BTNL2: variants seen among roughly 807,000 people sequenced by gnomAD.
BTNL2 encodes the protein butyrophilin like 2, also known as butyrophilin-like protein 2.
Under a neutral mutation model 46.8 loss-of-function variants are expected in BTNL2, and 46 were observed. The ratio of observed to expected loss-of-function variants is 0.98; its 90% CI spans 0.78 to 1.26. The LOEUF (loss-of-function observed/expected upper bound fraction) is 1.26, where lower values mean the gene tolerates loss of function less well. Among genes scored for constraint, BTNL2 ranks in the 50% most tolerant of loss-of-function variants. The probability of loss-of-function intolerance (pLI) is 0.00; values close to 1 mark genes in which losing one functional copy is unlikely to be tolerated. For missense variants in BTNL2, 461 were observed against 592.6 expected, an observed-to-expected ratio of 0.78 and a Z score of 2.31; for synonymous variants, 226 against 229.1, an observed-to-expected ratio of 0.99 and a Z score of 0.12.
chr6:32,396,099 G>A lies in BTNL2; in HGVS notation c.1018C>T (p.Arg340Cys), dbSNP rs1342397593. 71 of 1,613,062 alleles carry A rather than the reference G, an allele frequency of 4.4e-5. No homozygotes were observed. The highest frequency in any genetic ancestry group is 1.3e-4 in the Admixed American group (8 of 60,028). Residue 340 changes from arginine (R) to cysteine (C), a missense_variant, in exon 5 of 8, where the codon CGC becomes TGC. Transcript: ENST00000454136. This position sits in a 1 kb window ranked among gnomAD's most constrained non-coding sequence, Gnocchi z 4.4. ...SARPSDDGQY[R>C]CLFEKDDVYQ... is the part of the protein sequence containing the mutation. ...ACATCATCTTTTTCAAAAAGGCAGC[G>A]GTACTGCCCGTCGTCCGAAGGTCTG...
Position 32,403,171 on chromosome 6 carries a change from C to T in BTNL2, c.473G>A (p.Ser158Asn), listed in dbSNP as rs1349330260. Reference protein sequence around the residue: ...PSIHMEGPGESGVQLVCTARG... With the variant: ...PSIHMEGPGENGVQLVCTARG... ...TGCAGTGCACACAAGCTGGACTCCA[C>T]TCTCCCCAGGTCCCTCCATGTGGAT... is the stretch of plus-strand genomic sequence containing the variant. Residue 158 changes from serine to asparagine, a missense_variant, in exon 3 of 8, where the codon AGT becomes AAT. Transcript: ENST00000454136. The T allele has an allele frequency of 1.2e-6, 2 of 1,611,530 alleles. No homozygotes were observed. The highest frequency in any genetic ancestry group is 2.7e-5 in the African/African-American group (2 of 74,744).
Position 32,399,155 on chromosome 6 carries a change from C to A in BTNL2, c.730+2630G>T, listed in dbSNP as rs117298487. On this transcript the variant is annotated intron_variant, in intron 4 of 7. Transcript: ENST00000454136. This position sits in a 1 kb window ranked among gnomAD's most constrained non-coding sequence, Gnocchi z 5.2. ...CATGTGTTCTCACCAATCAGCTCCC[C>A]CTTATAAGTGTGAACATGCAGTAGT... Among the ~76,000 whole-genome samples the A allele has an allele frequency of 0.017, 2,664 of 152,288 alleles. 78 individuals carry two copies. The highest frequency in any genetic ancestry group is 0.11 in the East Asian group (567 of 5,178).
intron 2 of BTNL2, among the ~76,000 whole-genome samples, 178 bp downstream of exon 2, chr6:32,404,761 T>C (rs1372231058): frequency 6.6e-6 from 1 of 152,242 alleles, no homozygotes; most frequent in Non-Finnish European, 1.5e-5. Context: ...TGGGAAAATA[T>C]TTTAACACTA....
chr6:32,400,760 A>AAAAAAAAAAAAAAAAAAAAAC (rs1390075841), intron 4 of BTNL2, among the ~76,000 whole-genome samples: 2 of 115,838 alleles, frequency 1.7e-5, no homozygotes, highest in Non-Finnish European at 3.8e-5. Context: ...AAAAAAAAAA[A>AAAAAAAAAAAAAAAAAAAAAC]AAATTAGCTG....
rs750415627 is a variant in BTNL2 at position 32,401,750 on chromosome 6, C to A, written c.730+35G>T. The A allele has an allele frequency of 2.8e-5, 45 of 1,593,124 alleles. No homozygotes were observed. The East Asian group carries it at 1.0e-3, about 36-fold the overall frequency. On this transcript the variant is annotated intron_variant, in intron 4 of 7. Coordinates refer to ENST00000454136, the MANE Select transcript of BTNL2 (RefSeq NM_001304561.2). ...CCCTCTGCTGGGGAGGGCAGAGGCT[C>A]CCTCCACAGGTGTGTGCCAGCACCT...
intron 4 of BTNL2, among the ~76,000 whole-genome samples, chr6:32,400,760 A>AAAAAAAAAAAAAAAAAAAAAAAC (rs1390075841): frequency 9.5e-5 from 11 of 115,892 alleles, no homozygotes; most frequent in East Asian, 2.4e-4. Flanking sequence ...AAAAAAAAAA[A>AAAAAAAAAAAAAAAAAAAAAAAC]AAATTAGCTG....
Position 32,394,082 on chromosome 6 carries a change from T to G in BTNL2, c.1361-25A>C, listed in dbSNP as rs114484311. On this transcript the variant is annotated intron_variant, in intron 6 of 7. Transcript: ENST00000454136. This position sits in a 1 kb window ranked among gnomAD's most constrained non-coding sequence, Gnocchi z 4.6. ...TCTAAAATGGAAACCCAAGAATCCC[T>G]TGAAACTGTGAAACTGGGACAATAT... 184,050 of 1,493,470 alleles carry G rather than the reference T, an allele frequency of 0.12. 15,380 individuals are homozygous for G. The highest frequency in any genetic ancestry group is 0.13 in the Admixed American group (6,595 of 50,736). 92.5% of individuals were successfully genotyped at this position (1,493,470 alleles called of 1,614,324 possible).
At chr6:32,400,932 G>T (rs9268489) in intron 4 of BTNL2, among the ~76,000 whole-genome samples, 1 of 123,918 alleles carries the variant, frequency 8.1e-6, no homozygotes. Flanking sequence ...AAAAATGCCC[G>T]GCGTGGTGGC....
chr6:32,404,216 G>T (rs1264217569), intron 2 of BTNL2, among the ~76,000 whole-genome samples: 1 of 152,194 alleles, frequency 6.6e-6, no homozygotes. Context: ...ATTTGCCTTA[G>T]TAATTGGATT....
intron 4 of BTNL2, among the ~76,000 whole-genome samples, chr6:32,397,501 T>G (rs1015516409): frequency 6.6e-6 from 1 of 152,204 alleles, no homozygotes; most frequent in Non-Finnish European, 1.5e-5. Flanking sequence ...GAGTCATCCT[T>G]TTCTCAGTTA....
At chr6:32,404,605 G>C (rs1776999378) in intron 2 of BTNL2, among the ~76,000 whole-genome samples, 1 of 152,220 alleles carries the variant, frequency 6.6e-6, no homozygotes, top group Non-Finnish European at 1.5e-5. Context: ...CCGGACGTCA[G>C]CTGGGCTCAT....
At chr6:32,398,617 ATATGAGGATTT>A (rs1776581434) in intron 4 of BTNL2, among the ~76,000 whole-genome samples, 1 of 152,172 alleles carries the variant, frequency 6.6e-6, no homozygotes, top group Non-Finnish European at 1.5e-5. Context: ...TCCTTTATCC[ATATGAGGATTT>A]TATTCCCTGT....
chr6:32,397,086 G>A (rs1230901132), intron 4 of BTNL2, among the ~76,000 whole-genome samples: 1 of 151,396 alleles, frequency 6.6e-6, no homozygotes, highest in East Asian at 1.9e-4. Context: ...AACTTAGTAC[G>A]TCAACTACTG....
Position 32,405,163 on chromosome 6 carries a change from G to A in BTNL2, c.203C>T (p.Ser68Leu), listed in dbSNP as rs766070903. The part of the protein sequence containing the change: ...TMHVEVRWYR[S>L]EPSTPVFVHR... Reference sequence around the variant, plus strand: ...CACAAACACAGGTGTGCTGGGCTCTGAGCGGTACCACCTCACCTCCACGTG... The same window carrying A: ...CACAAACACAGGTGTGCTGGGCTCTAAGCGGTACCACCTCACCTCCACGTG... Residue 68 changes from serine (S) to leucine (L), a missense_variant, in exon 2 of 8, where the codon TCA (serine) becomes TTA (leucine). Ser to Leu is a moderately radical substitution (Grantham distance 145, BLOSUM62 -2). Transcript: ENST00000454136. 6.8e-6 allele frequency: 11 copies of A among 1,612,932 alleles called. No individual in the cohort carries two copies. The highest frequency in any genetic ancestry group is 1.3e-5 in the African/African-American group (1 of 74,936).
intron 3 of BTNL2, 27 bp downstream of exon 3, chr6:32,402,908 T>G: frequency 6.2e-7 from 1 of 1,607,312 alleles, no homozygotes. Flanking sequence ...GATCTGAGCA[T>G]GTGGGTCCTA....
chr6:32,406,163 G>C (rs993436334), intron 1 of BTNL2: 1 of 152,338 alleles, frequency 6.6e-6, no homozygotes, highest in Non-Finnish European at 1.5e-5. Context: ...CTGCTGCTGG[G>C]TATCAAATAG....
chr6:32,405,510 T>A, intron 1 of BTNL2: 1 of 618,372 alleles, frequency 1.6e-6, no homozygotes, highest in Non-Finnish European at 3.0e-6. Context: ...GAGGTTGCTG[T>A]CTGTCACCTA....
intron 4 of BTNL2, among the ~76,000 whole-genome samples, chr6:32,398,100 T>C (rs1457293101): frequency 6.6e-6 from 1 of 152,224 alleles, no homozygotes; most frequent in African/African-American, 2.4e-5. Flanking sequence ...CTCTGAGGGC[T>C]TTCCTGGGCC....
intron 2 of BTNL2, chr6:32,403,892 C>T (rs1303225440): frequency 6.6e-6 from 1 of 152,158 alleles, no homozygotes; most frequent in Non-Finnish European, 1.5e-5. Context: ...ACTAAGGGGA[C>T]TATATTTTCC....
Sources: allele counts gnomAD v4.1 joint callset (sites outside exome capture counted in the v4.1 genomes callset), GRCh38; gene constraint gnomAD v4.1.1; non-coding constraint Gnocchi (gnomAD v3.1); transcripts MANE v1.5; gene names NCBI Gene and HGNC (gene_info 2026-07-23, HGNC 2026-07-21).